The following EPG5 variants were observed in gnomAD, a reference collection of about 807,000 sequenced individuals.
EPG5 encodes ectopic P-granules 5 autophagy tethering factor, also known as ectopic P granules protein 5 homolog.
Under a neutral mutation model 302.7 loss-of-function variants are expected in EPG5, and 159 were observed. The observed-to-expected ratio is 0.53, with a 90% CI of 0.46 to 0.60. The LOEUF (loss-of-function observed/expected upper bound fraction) is 0.60, where lower values mean the gene tolerates loss of function less well. Ranked by LOEUF, EPG5 falls within the 20% of genes least tolerant of loss-of-function variation. The probability of loss-of-function intolerance (pLI) is 0.00; values close to 1 mark genes in which losing one functional copy is unlikely to be tolerated. For missense variants in EPG5, 2,896 were observed against 3,092.4 expected (o/e 0.94, Z 1.51); for synonymous variants, 1,158 against 1,136.8 (o/e 1.02, Z -0.37).
At chr18:45,823,805 C>A in the EPG5 span, among the ~76,000 whole-genome samples, 41 of 152,120 alleles carry the variant, frequency 2.7e-4, no homozygotes, top group Admixed American at 7.2e-4. Context: ...CAGCACAGCA[C>A]GTGCGAGGAA....
chr18:45,807,810 G>C, the EPG5 span, among the ~76,000 whole-genome samples: 3 of 152,098 alleles, frequency 2.0e-5, no homozygotes, highest in Non-Finnish European at 4.4e-5. Context: ...TGGTAATATG[G>C]CAAAACAAGG....
rs139682623 is a variant in EPG5 at position 45,855,854 on chromosome 18, C to T, written c.7443-167G>A. Among the ~76,000 whole-genome samples the T allele has an allele frequency of 3.5e-4, 54 of 152,272 alleles. No individual in the cohort carries two copies. In the East Asian group the frequency reaches 0.01, roughly 29 times the overall value. The stretch of plus-strand genomic sequence containing the variant: ...AATATGATCAAGAAGAAGTTTTATC[C>T]ATTATCACCATCCAAACAATATATG... On this transcript the variant is annotated intron_variant, in intron 42 of 43. Transcript: ENST00000282041.
chr18:45,897,116 A>C (rs2049497188), intron 27 of EPG5, among the ~76,000 whole-genome samples: 1 of 152,262 alleles, frequency 6.6e-6, no homozygotes, highest in African/African-American at 2.4e-5. Flanking sequence ...GACAAGTCAC[A>C]GGTAGGCTTA....
At chr18:45,927,967 G>A (rs1440315323) in intron 13 of EPG5, among the ~76,000 whole-genome samples, 1 of 152,176 alleles carries the variant, frequency 6.6e-6, no homozygotes, top group Non-Finnish European at 1.5e-5. Context: ...ACCGAGGTGG[G>A]TGGATCACCT....
At chr18:45,919,710 C>T (rs2050112814) in intron 16 of EPG5, among the ~76,000 whole-genome samples, 1 of 152,028 alleles carries the variant, frequency 6.6e-6, no homozygotes, top group East Asian at 1.9e-4. Flanking sequence ...GACGGGGTTT[C>T]ACCGTGTTAG....
intron 16 of EPG5, among the ~76,000 whole-genome samples, chr18:45,919,589 T>C (rs943768854): frequency 1.3e-5 from 2 of 150,152 alleles, no homozygotes; most frequent in African/African-American, 4.9e-5. Context: ...CTCGGCTCAC[T>C]GCAAGCTCCG....
intron 8 of EPG5, among the ~76,000 whole-genome samples, chr18:45,943,695 G>A (rs1164573655): frequency 6.6e-6 from 1 of 152,138 alleles, no homozygotes; most frequent in African/African-American, 2.4e-5. Flanking sequence ...GCGGAGACGG[G>A]CGGATCACGA....
chr18:45,950,205 G>A (rs986582072), intron 4 of EPG5, among the ~76,000 whole-genome samples: 2 of 152,146 alleles, frequency 1.3e-5, no homozygotes, highest in African/African-American at 4.8e-5. Flanking sequence ...TCAGACTTCA[G>A]ATTTTTTCGG....
chr18:45,866,664 A>G, intron 38 of EPG5, 134 bp downstream of exon 38: 1 of 703,894 alleles, frequency 1.4e-6, no homozygotes, highest in Admixed American at 2.3e-5. Context: ...AGGCCAAAAG[A>G]TGAGTATATG....
At chr18:45,804,083 TATC>T in the EPG5 span, among the ~76,000 whole-genome samples, 1 of 152,210 alleles carries the variant, frequency 6.6e-6, no homozygotes, top group Non-Finnish European at 1.5e-5. Flanking sequence ...ACATAGTTAG[TATC>T]ATCACCTAAA....
At chr18:45,924,505 CA>C (rs1354566312) in intron 14 of EPG5, among the ~76,000 whole-genome samples, 2 of 152,336 alleles carry the variant, frequency 1.3e-5, no homozygotes, top group Non-Finnish European at 2.9e-5. Context: ...TTGCTCAGAA[CA>C]AAACCTGTCA....
chr18:45,909,762 A>C (rs1465739385), intron 23 of EPG5, among the ~76,000 whole-genome samples: 4 of 152,190 alleles, frequency 2.6e-5, no homozygotes. Flanking sequence ...TATGAACCAC[A>C]CTTAAAGAGC....
the EPG5 span, among the ~76,000 whole-genome samples, chr18:45,839,459 C>T: frequency 5.5e-3 from 833 of 152,236 alleles, 7 homozygotes; most frequent in African/African-American, 0.019. Context: ...TTCCTGAGGA[C>T]CTACTATGTG....
rs759018222 is a variant in EPG5, at chr18:45,884,822, TA to T, written c.5110-12del. ...GCCACTGATAAATACCTTGGAAAAATAAAAAGGAAAAATGTCACCAGATTCT... is the reference window on the plus strand; with the variant it reads ...GCCACTGATAAATACCTTGGAAAAATAAAAGGAAAAATGTCACCAGATTCT... On this transcript the variant is annotated splice_polypyrimidine_tract_variant and intron_variant, in intron 29 of 43. Transcript: ENST00000282041. 6.6e-7 allele frequency: 1 copy of T among 1,508,296 alleles called. No homozygotes were observed. The highest frequency in any genetic ancestry group is 1.3e-5 in the South Asian group (1 of 77,766). 93.4% of individuals were successfully genotyped at this position (1,508,296 alleles called of 1,614,324 possible).
At chr18:45,843,161 T>G (rs920277156), downstream of EPG5, 5 of 152,260 alleles carry the variant, frequency 3.3e-5, no homozygotes, top group Non-Finnish European at 7.3e-5. Flanking sequence ...GGAGAGTCCG[T>G]GCGTAAAGCA....
chr18:45,885,584 T>A (rs1478125206), intron 29 of EPG5, among the ~76,000 whole-genome samples: 1 of 152,142 alleles, frequency 6.6e-6, no homozygotes, highest in Non-Finnish European at 1.5e-5. Flanking sequence ...CATCTTGTTT[T>A]AACTTGGTTC....
At chr18:45,965,567 T>A (rs1599669074) in intron 1 of EPG5, among the ~76,000 whole-genome samples, 1 of 152,200 alleles carries the variant, frequency 6.6e-6, no homozygotes, top group East Asian at 1.9e-4. Flanking sequence ...CTTGTTCCCA[T>A]GAGAAAATCG....
the EPG5 span, among the ~76,000 whole-genome samples, chr18:45,824,686 C>T: frequency 1.3e-5 from 2 of 152,282 alleles, no homozygotes; most frequent in South Asian, 2.1e-4. Flanking sequence ...GAACACAGGA[C>T]TGGCTGTGTG....
At chr18:45,883,383 A>G (rs1333228289) in intron 30 of EPG5, among the ~76,000 whole-genome samples, 1 of 152,008 alleles carries the variant, frequency 6.6e-6, no homozygotes, top group Non-Finnish European at 1.5e-5. Context: ...TTCCCTTCCA[A>G]AATCCCAAAC....
Sources: gnomAD v4.1 joint callset for allele counts (sites outside exome capture counted in the v4.1 genomes callset) on GRCh38, gnomAD v4.1.1 for gene constraint, MANE v1.5 for transcripts, NCBI Gene and HGNC (gene_info 2026-07-23, HGNC 2026-07-21) for gene names.